Variants in KIAA1755 observed in about 807,000 individuals in gnomAD.
KIAA1755 encodes uncharacterized protein KIAA1755.
A neutral mutation model predicts 91.7 loss-of-function variants in KIAA1755; 68 were observed. That is an observed-to-expected ratio of 0.74 (90% CI 0.61 to 0.91). KIAA1755 has a LOEUF of 0.91. KIAA1755 is among the 40% of genes least tolerant of loss of function. The pLI, the probability that KIAA1755 is intolerant of heterozygous loss-of-function variation, is 0.00. For synonymous variants in KIAA1755, 610 were observed against 604.6 expected (o/e 1.01, Z -0.13); for missense variants, 1,535 against 1,494.4 (o/e 1.03, Z -0.45).
rs2075462204 is a variant in KIAA1755 at position 38,212,321 on chromosome 20, G to GA, written c.*720_*721insT. On this transcript the variant is annotated 3_prime_UTR_variant, in exon 14 of 14. Transcript: ENST00000279024. ...CCCTGTCTCTGGTGGGGTCGGGGGG[G>GA]GTGGGCGGAAAAGGCAATCCCAGCA... The GA allele has an allele frequency of 6.6e-6, 1 of 150,824 alleles. No homozygotes were observed. The highest frequency in any genetic ancestry group is 2.0e-4 in the East Asian group (1 of 5,024). The allele number at this position is 150,824 out of a possible 1,614,324, so 9.3% of individuals were successfully genotyped here.
In KIAA1755 at chr20:38,213,409, C is replaced by T. The variant is rs528479427; in HGVS notation, c.3236G>A (p.Gly1079Asp). ...CTTGGAAGTGACCTCTACACTCACACCCTGGCCCTTGGCTGCCACCCCTCT... is the reference window on the plus strand; with the variant it reads ...CTTGGAAGTGACCTCTACACTCACATCCTGGCCCTTGGCTGCCACCCCTCT... The part of the protein sequence containing the change: ...ERRGVAAKGQ[G>D]VSVEVTSKGR... Residue 1079 changes from glycine (G) to aspartate (D), a missense_variant, in exon 14 of 14, where the codon GGT (glycine) becomes GAT (aspartate). Gly to Asp is a moderately conservative substitution (Grantham distance 94, BLOSUM62 -1). Transcript: ENST00000279024. The T allele has an allele frequency of 3.1e-6, 5 of 1,600,448 alleles. No homozygotes were observed. In the South Asian group the frequency reaches 5.6e-5, roughly 18 times the overall value.
chr20:38,213,409 C>G lies in KIAA1755; in HGVS notation c.3236G>C (p.Gly1079Ala). ...CTTGGAAGTGACCTCTACACTCACA[C>G]CCTGGCCCTTGGCTGCCACCCCTCT... ...ERRGVAAKGQ[G>A]VSVEVTSKGR... Residue 1079 changes from glycine to alanine, a missense_variant, in exon 14 of 14, where the codon GGT (glycine) becomes GCT (alanine). Coordinates refer to ENST00000279024, the MANE Select transcript of KIAA1755 (RefSeq NM_001029864.2). 1 of 1,600,448 alleles carries G rather than the reference C, an allele frequency of 6.2e-7. No individual in the cohort carries two copies. Among genetic ancestry groups the G allele is most frequent in the Non-Finnish European group, 8.5e-7 (1 of 1,173,090 alleles).
At chr20:38,219,507 C>A in intron 11 of KIAA1755, 123 bp downstream of exon 11, 3 of 1,338,306 alleles carry the variant, frequency 2.2e-6, no homozygotes, top group Non-Finnish European at 3.1e-6. Context: ...TTTGAAGGAT[C>A]GCCAGCTTGG....
intron 11 of KIAA1755, among the ~76,000 whole-genome samples, chr20:38,218,780 A>C (rs2075601200): frequency 6.6e-6 from 1 of 152,106 alleles, no homozygotes; most frequent in Non-Finnish European, 1.5e-5. Context: ...GCTGGAGAAG[A>C]AGCTGCAGGC....
intron 13 of KIAA1755, 91 bp from the exon 14 acceptor site, chr20:38,213,834 G>A (rs551188854): frequency 2.8e-5 from 25 of 892,584 alleles, no homozygotes; most frequent in East Asian, 2.4e-4. Context: ...CCAGGGCCCC[G>A]CTCAGCTTGG....
rs1339293692 is a variant in KIAA1755 at position 38,228,812 on chromosome 20, A to C, written c.1872-572T>G. Among the ~76,000 whole-genome samples the C allele has an allele frequency of 2.0e-5, 3 of 152,210 alleles. No homozygotes were observed. The South Asian group carries it at 6.2e-4, about 31-fold the overall frequency. On this transcript the variant is annotated intron_variant, in intron 5 of 13. Coordinates refer to ENST00000279024, the MANE Select transcript of KIAA1755 (RefSeq NM_001029864.2). ...AAAGAGATATGAGGCAGAGACATAC[A>C]ATGATACATTTCCTTAACAGATAAA...
intron 1 of KIAA1755, among the ~76,000 whole-genome samples, chr20:38,258,112 G>A (rs2076371496): frequency 6.6e-6 from 1 of 152,062 alleles, no homozygotes; most frequent in Non-Finnish European, 1.5e-5. Flanking sequence ...TGTTGGCCAG[G>A]CAGGTCTTGA....
At chr20:38,217,011 G>A (rs1224312537) in intron 13 of KIAA1755, 1 of 671,748 alleles carries the variant, frequency 1.5e-6, no homozygotes, top group African/African-American at 1.8e-5. Flanking sequence ...CAAGACTTGG[G>A]GAGTGAATCA....
chr20:38,227,186 C>G lies in KIAA1755; in HGVS notation c.2020G>C (p.Ala674Pro). The G allele has an allele frequency of 6.2e-7, 1 of 1,613,914 alleles. No individual in the cohort carries two copies. Among genetic ancestry groups the G allele is most frequent in the Non-Finnish European group, 8.5e-7 (1 of 1,179,908 alleles). ...AILFLGEKEA[A>P]LQLQTLPDVQ... ...TCAGGTAATGTCTGCAGCTGGAGAG[C>G]CGCCTCCTTCTCCCCCAGGAAGAGA... Residue 674 changes from alanine (A) to proline (P), a missense_variant, in exon 7 of 14, where the codon GCT (alanine) becomes CCT (proline). Coordinates refer to ENST00000279024, the MANE Select transcript of KIAA1755 (RefSeq NM_001029864.2).
chr20:38,240,026 A>T (rs1264323760), intron 3 of KIAA1755, among the ~76,000 whole-genome samples: 1 of 152,138 alleles, frequency 6.6e-6, no homozygotes, highest in Non-Finnish European at 1.5e-5. Flanking sequence ...CCTCCCGAGT[A>T]GCTGGGGCTA....
rs1401559154 is a variant in KIAA1755, at chr20:38,245,918, T to C, written c.201+11A>G. 1.2e-6 allele frequency: 2 copies of C among 1,613,656 alleles called. No homozygotes were observed. The highest frequency in any genetic ancestry group is 3.3e-5 in the Admixed American group (2 of 60,004). Reference sequence around the variant, plus strand: ...AGCTTGTTCCCTGTCCCTGTTTCCCTCTTGACTTACACAGGCTGCTTCTCG... The same window carrying C: ...AGCTTGTTCCCTGTCCCTGTTTCCCCCTTGACTTACACAGGCTGCTTCTCG... On this transcript the variant is annotated intron_variant, in intron 2 of 13. Transcript: ENST00000279024.
chr20:38,250,238 C>T (rs1435911630), intron 1 of KIAA1755, among the ~76,000 whole-genome samples: 1 of 152,196 alleles, frequency 6.6e-6, no homozygotes, highest in Non-Finnish European at 1.5e-5. Context: ...TGCCCGGGTT[C>T]AAACTCTGGT....
chr20:38,220,288 G>A (rs1158176702), intron 10 of KIAA1755, among the ~76,000 whole-genome samples: 1 of 148,724 alleles, frequency 6.7e-6, no homozygotes, highest in Non-Finnish European at 1.5e-5. Flanking sequence ...CCAACACACT[G>A]ATGTTTCCCT....
chr20:38,243,553 G>T (rs562776271), intron 2 of KIAA1755, among the ~76,000 whole-genome samples: 73 of 152,362 alleles, frequency 4.8e-4, no homozygotes, highest in African/African-American at 1.7e-3. Context: ...GATGTAGGCA[G>T]TCCAGGCATT....
At chr20:38,221,226 C>G in intron 10 of KIAA1755, among the ~76,000 whole-genome samples, 1 of 152,258 alleles carries the variant, frequency 6.6e-6, no homozygotes, top group East Asian at 1.9e-4. Flanking sequence ...CTGCAGGGAC[C>G]CGCTGCAGAA....
In KIAA1755 at chr20:38,241,012, G is replaced by A; in HGVS notation, c.1119C>T (p.Tyr373=). ...HNSERPPQGS[Y]MNVLEDALDC... is the part of the protein sequence containing the mutation. ...CCAGTGCGTCCTCAAGGACATTCAT[G>A]TAGGAGCCTTGGGGCGGCCTTTCTG... Residue 373 remains tyrosine, a synonymous_variant, in exon 3 of 14, where the codon TAC becomes TAT. Transcript: ENST00000279024. 6 of 1,614,204 alleles carry A rather than the reference G, an allele frequency of 3.7e-6. No homozygotes were observed. Among genetic ancestry groups the A allele is most frequent in the Non-Finnish European group, 4.2e-6 (5 of 1,180,038 alleles).
At chr20:38,236,233 A>T (rs1187190391) in intron 4 of KIAA1755, among the ~76,000 whole-genome samples, 8 of 152,166 alleles carry the variant, frequency 5.3e-5, no homozygotes, top group African/African-American at 1.9e-4. Context: ...AGGGGATGTG[A>T]AGTCAGGAGT....
At chr20:38,221,713 C>T (rs1419227939) in intron 10 of KIAA1755, among the ~76,000 whole-genome samples, 1 of 152,204 alleles carries the variant, frequency 6.6e-6, no homozygotes, top group Non-Finnish European at 1.5e-5. Flanking sequence ...GGTCTTGGTT[C>T]TGTAAACAAA....
At chr20:38,248,921 C>T (rs2076201880) in intron 1 of KIAA1755, among the ~76,000 whole-genome samples, 1 of 152,040 alleles carries the variant, frequency 6.6e-6, no homozygotes. Flanking sequence ...GTTGCCCAGA[C>T]TGGAGTGCAG....
Sources: allele counts gnomAD v4.1 joint callset (sites outside exome capture counted in the v4.1 genomes callset), GRCh38; gene constraint gnomAD v4.1.1; transcripts MANE v1.5; gene names NCBI Gene and HGNC (gene_info 2026-07-23, HGNC 2026-07-21).